Variants in FOXP1 observed in about 807,000 individuals in gnomAD.
FOXP1 encodes forkhead box P1.
Under a neutral mutation model 98.2 loss-of-function variants are expected in FOXP1, and 15 were observed. The ratio of observed to expected loss-of-function variants is 0.15; its 90% CI spans 0.10 to 0.24. The LOEUF (loss-of-function observed/expected upper bound fraction) is 0.24. Among genes scored for constraint, FOXP1 ranks in the 10% least tolerant of loss-of-function variants. The pLI is 1.00. For missense variants in FOXP1, 633 were observed against 848.5 expected (o/e 0.75, Z 3.15); for synonymous variants, 371 against 314.5 (o/e 1.18, Z -1.90).
chr3:71,546,343 T>C (rs764361836), intron 2 of FOXP1, among the ~76,000 whole-genome samples: 30 of 152,188 alleles, frequency 2.0e-4, no homozygotes, highest in Admixed American at 3.9e-4. Context: ...GAATAAAGAT[T>C]TGCTCATTAA....
At chr3:71,357,501 C>T (rs1319270221) in intron 4 of FOXP1, among the ~76,000 whole-genome samples, 1 of 152,124 alleles carries the variant, frequency 6.6e-6, no homozygotes, top group African/African-American at 2.4e-5. Context: ...GTAAAAGTAA[C>T]CATAATGGTT....
intron 7 of FOXP1, among the ~76,000 whole-genome samples, chr3:71,111,973 C>G (rs1045319745): frequency 1.3e-5 from 2 of 152,130 alleles, no homozygotes; most frequent in Admixed American, 1.3e-4. Flanking sequence ...TGGGATGAAT[C>G]ACGGTGTGTC....
At chr3:71,277,000 C>T (rs966395635) in intron 5 of FOXP1, among the ~76,000 whole-genome samples, 1 of 149,754 alleles carries the variant, frequency 6.7e-6, no homozygotes, top group African/African-American at 2.5e-5. Flanking sequence ...ACTCTGTCGC[C>T]CAGGCTGGAG....
intron 6 of FOXP1, among the ~76,000 whole-genome samples, chr3:71,139,792 C>G (rs1237902894): frequency 6.6e-6 from 1 of 152,128 alleles, no homozygotes; most frequent in South Asian, 2.1e-4. Context: ...CAGACTCTTT[C>G]GCTATTATGT....
intron 3 of FOXP1, among the ~76,000 whole-genome samples, chr3:71,425,153 C>T (rs11928310): frequency 0.64 from 96,567 of 151,848 alleles, 32,121 homozygotes; most frequent in Non-Finnish European, 0.73. Flanking sequence ...TCTCACTGTG[C>T]TGCCCAGGCT....
Position 70,956,228 on chromosome 3 carries a change from C to T in FOXP1, c.*3019G>A, listed in dbSNP as rs377420906. ...AAGACAAAGATTCACACAGACACAT[C>T]GGGATATATGTACAACGTAATAAAC... On this transcript the variant is annotated 3_prime_UTR_variant, in exon 21 of 21. Coordinates refer to ENST00000649528, the MANE Select transcript of FOXP1 (RefSeq NM_001349338.3). 2 of 233,360 alleles carry T rather than the reference C, an allele frequency of 8.6e-6. No homozygotes were observed. The highest frequency in any genetic ancestry group is 1.7e-5 in the Non-Finnish European group (2 of 117,922). 14.5% of individuals were successfully genotyped at this position (233,360 alleles called of 1,614,324 possible). A position where few individuals can be genotyped will look rare whatever the true frequency, so the allele number is the denominator to read the frequency against.
intron 2 of FOXP1, among the ~76,000 whole-genome samples, chr3:71,554,717 G>A (rs529550022): frequency 5.9e-5 from 9 of 152,276 alleles, no homozygotes; most frequent in African/African-American, 9.6e-5. Flanking sequence ...AGAATCCAAC[G>A]TAAGTGAAAT....
intron 6 of FOXP1, chr3:71,130,651 AAGCACACTCGAAG>A: frequency 6.3e-7 from 1 of 1,597,094 alleles, no homozygotes; most frequent in Non-Finnish European, 8.5e-7. Context: ...TGTGCGGCTG[AAGCACACTCGAAG>A]AGAAAACACA....
At chr3:71,075,170 G>A (rs1296657711) in intron 7 of FOXP1, among the ~76,000 whole-genome samples, 1 of 152,174 alleles carries the variant, frequency 6.6e-6, no homozygotes, top group East Asian at 1.9e-4. Context: ...TCTGATCCTG[G>A]TGGTACTATT....
In FOXP1 at chr3:71,292,365, C is replaced by T. The variant is rs1229270172; in HGVS notation, c.-12+7455G>A. On this transcript the variant is annotated intron_variant, in intron 5 of 20. Transcript: ENST00000649528. ...TATTTATTTTTTGAGATGGAGTCTC[C>T]CCTCTGTTGCCCAGGATGTAGAGCA... Among the ~76,000 whole-genome samples, 4 of 152,204 alleles carry T rather than the reference C, an allele frequency of 2.6e-5. No individual in the cohort carries two copies. In the East Asian group the frequency reaches 7.7e-4, roughly 29 times the overall value.
chr3:71,496,698 T>C (rs2091438861), intron 2 of FOXP1, among the ~76,000 whole-genome samples: 1 of 151,946 alleles, frequency 6.6e-6, no homozygotes, highest in African/African-American at 2.4e-5. Context: ...CGCCAGCTAC[T>C]AGGGAGGCTG....
chr3:71,043,298 G>A (rs549677653), intron 10 of FOXP1, among the ~76,000 whole-genome samples: 35 of 152,284 alleles, frequency 2.3e-4, no homozygotes, highest in Admixed American at 1.9e-3. Flanking sequence ...TGTCCCAAAT[G>A]AGCATTTAGT....
chr3:71,021,383 C>T (rs2045409669), intron 11 of FOXP1, among the ~76,000 whole-genome samples: 2 of 152,138 alleles, frequency 1.3e-5, no homozygotes, highest in African/African-American at 4.8e-5. Context: ...TACTTTATTC[C>T]TTTTTGTAGC....
At chr3:71,444,834 C>T (rs553495911) in intron 3 of FOXP1, among the ~76,000 whole-genome samples, 36 of 152,234 alleles carry the variant, frequency 2.4e-4, no homozygotes, top group Admixed American at 5.9e-4. Flanking sequence ...GCGAGGGATG[C>T]TCTGTACATG....
chr3:71,541,210 C>A (rs1265057324), intron 2 of FOXP1, among the ~76,000 whole-genome samples: 1 of 152,234 alleles, frequency 6.6e-6, no homozygotes, highest in East Asian at 1.9e-4. Flanking sequence ...CACCTATTTA[C>A]ACCTTTACCA....
intron 5 of FOXP1, among the ~76,000 whole-genome samples, chr3:71,207,732 A>G (rs2064154643): frequency 2.1e-5 from 1 of 48,204 alleles, no homozygotes; most frequent in South Asian, 1.1e-3. Context: ...GCAACAAACA[A>G]TAACTTAAAA....
chr3:71,056,382 C>A (rs1409334089), intron 7 of FOXP1, among the ~76,000 whole-genome samples: 1 of 152,172 alleles, frequency 6.6e-6, no homozygotes, highest in East Asian at 1.9e-4. Flanking sequence ...CTTAAATCTC[C>A]TTTTCCCATA....
chr3:71,123,150 A>G (rs545498753), intron 6 of FOXP1, among the ~76,000 whole-genome samples: 1 of 152,174 alleles, frequency 6.6e-6, no homozygotes, highest in South Asian at 2.1e-4. Flanking sequence ...TCTTTCATCT[A>G]AATTCAACCT....
chr3:71,216,423 A>C (rs996524753), intron 5 of FOXP1, among the ~76,000 whole-genome samples: 2 of 152,164 alleles, frequency 1.3e-5, no homozygotes, highest in Non-Finnish European at 2.9e-5. Flanking sequence ...ATGCCCGTCA[A>C]CTCAAGAATG....
Sources: gnomAD v4.1 joint callset for allele counts (sites outside exome capture counted in the v4.1 genomes callset) on GRCh38, gnomAD v4.1.1 for gene constraint, MANE v1.5 for transcripts, NCBI Gene and HGNC (gene_info 2026-07-23, HGNC 2026-07-21) for gene names.